Variants in NCKAP5 observed in about 807,000 individuals in gnomAD.
The protein encoded by NCKAP5 is nck-associated protein 5.
Under a neutral mutation model 167.0 loss-of-function variants are expected in NCKAP5, and 92 were observed. That is an observed-to-expected ratio of 0.55 (90% confidence interval 0.47 to 0.66). NCKAP5 has a LOEUF of 0.66. Ranked by LOEUF, NCKAP5 falls within the 30% of genes least tolerant of loss-of-function variation. NCKAP5 has a pLI of 0.00. For synonymous variants in NCKAP5, 891 were observed against 877.4 expected (o/e 1.02, Z -0.27); for missense variants, 2,378 against 2,315.0 (o/e 1.03, Z -0.56).
At position 133,208,521 on chromosome 2, in the gene NCKAP5, C is replaced by T. The variant is rs1342661678; in HGVS notation, c.207+5195G>A. Among the ~76,000 whole-genome samples, 130 of 152,254 alleles carry T rather than the reference C, an allele frequency of 8.5e-4. 1 individual carries two copies. The highest frequency in any genetic ancestry group is 1.9e-4 in the Non-Finnish European group (13 of 68,024). ...AAAACCTAACCAGTACTTCTTAAAA[C>T]TACCAAGTTGTCAAAAACAAGGAAA... On this transcript the variant is annotated intron_variant, in intron 5 of 19. Transcript: ENST00000409261.
chr2:133,423,201 G>A (rs1423628674), intron 3 of NCKAP5, among the ~76,000 whole-genome samples: 1 of 152,190 alleles, frequency 6.6e-6, no homozygotes, highest in Non-Finnish European at 1.5e-5. Context: ...TTAGGGTTTT[G>A]ACAAATACTA....
At chr2:133,414,938 T>A (rs765745773) in intron 3 of NCKAP5, among the ~76,000 whole-genome samples, 3 of 152,226 alleles carry the variant, frequency 2.0e-5, no homozygotes, top group Non-Finnish European at 2.9e-5. Context: ...GTCCCTTCAG[T>A]GGCCTGAGAT....
At chr2:133,579,875 C>T in the NCKAP5 span, among the ~76,000 whole-genome samples, 1 of 152,206 alleles carries the variant, frequency 6.6e-6, no homozygotes, top group Non-Finnish European at 1.5e-5. Context: ...ATGTACCTTT[C>T]TCTCCCCATT....
intron 3 of NCKAP5, among the ~76,000 whole-genome samples, chr2:133,380,246 G>T (rs182786445): frequency 6.6e-6 from 1 of 152,198 alleles, no homozygotes; most frequent in East Asian, 1.9e-4. Context: ...AAATCTAAAA[G>T]GTAGAGTTTG....
chr2:132,969,512 C>T (rs934766862), intron 7 of NCKAP5, among the ~76,000 whole-genome samples: 15 of 152,282 alleles, frequency 9.9e-5, no homozygotes, highest in African/African-American at 3.4e-4. Context: ...AATTATCTGA[C>T]CCCAGGGTGA....
chr2:132,691,593 C>T (rs958281723), intron 19 of NCKAP5, among the ~76,000 whole-genome samples: 6 of 152,124 alleles, frequency 3.9e-5, no homozygotes, highest in African/African-American at 1.4e-4. Context: ...AGAGAATCAC[C>T]ATCTTGGACA....
At chr2:132,940,708 A>AACTT (rs1457650767) in intron 8 of NCKAP5, among the ~76,000 whole-genome samples, 1 of 152,062 alleles carries the variant, frequency 6.6e-6, no homozygotes, top group African/African-American at 2.4e-5. Flanking sequence ...AAGTAGTAAA[A>AACTT]ACTTATTTAT....
intron 6 of NCKAP5, among the ~76,000 whole-genome samples, chr2:133,055,745 T>C (rs1003168566): frequency 6.6e-6 from 1 of 152,126 alleles, no homozygotes; most frequent in Non-Finnish European, 1.5e-5. Flanking sequence ...CTCATTATAA[T>C]AGCCAGATGC....
chr2:132,907,370 G>C (rs942883516), intron 8 of NCKAP5, among the ~76,000 whole-genome samples: 3 of 152,170 alleles, frequency 2.0e-5, no homozygotes, highest in African/African-American at 7.2e-5. Flanking sequence ...AAGATCACGC[G>C]GGTAGCAAAG....
chr2:133,416,184 G>A (rs1473150885), intron 3 of NCKAP5, among the ~76,000 whole-genome samples: 1 of 152,170 alleles, frequency 6.6e-6, no homozygotes, highest in African/African-American at 2.4e-5. Flanking sequence ...GCGCTCTGTG[G>A]AGCTCTGGGT....
At chr2:132,874,103 A>ATTT (rs4057987) in intron 9 of NCKAP5, among the ~76,000 whole-genome samples, 27 of 113,154 alleles carry the variant, frequency 2.4e-4, no homozygotes, top group East Asian at 5.5e-4. Flanking sequence ...CAAGACCTTG[A>ATTT]TTTTTTTTTT....
At chr2:132,930,002 T>C (rs938169208) in intron 8 of NCKAP5, 5 of 152,236 alleles carry the variant, frequency 3.3e-5, no homozygotes, top group Non-Finnish European at 5.9e-5. Context: ...ATCTGACTTG[T>C]CTGAGAGCAT....
the NCKAP5 span, among the ~76,000 whole-genome samples, chr2:133,645,959 G>C: frequency 1.3e-4 from 20 of 151,814 alleles, no homozygotes; most frequent in African/African-American, 4.8e-4. Context: ...AGAGAGGGAA[G>C]GAGGGAGGGA....
chr2:132,945,382 A>T (rs887785337), intron 8 of NCKAP5, among the ~76,000 whole-genome samples: 4 of 152,108 alleles, frequency 2.6e-5, no homozygotes, highest in Non-Finnish European at 5.9e-5. Flanking sequence ...GAACAAGGGG[A>T]TGTGGCCACA....
Position 133,188,149 on chromosome 2 carries a change from G to A in NCKAP5, c.207+25567C>T, listed in dbSNP as rs192601212. ...TCCATGTTTAGTGCTTCCTTCAGGA[G>A]CTCTTGTAAGGCAGACCTGGTGGTG... is the stretch of plus-strand genomic sequence containing the variant. On this transcript the variant is annotated intron_variant, in intron 5 of 19. Coordinates refer to ENST00000409261, the MANE Select transcript of NCKAP5 (RefSeq NM_207363.3). Among the ~76,000 whole-genome samples, 53 of 152,070 alleles carry A rather than the reference G, an allele frequency of 3.5e-4. No homozygotes were observed. The East Asian group carries it at 9.3e-3, about 27-fold the overall frequency.
chr2:133,226,879 T>A (rs2086918214), intron 4 of NCKAP5, among the ~76,000 whole-genome samples: 1 of 152,156 alleles, frequency 6.6e-6, no homozygotes, highest in Non-Finnish European at 1.5e-5. Flanking sequence ...GACAAACTAA[T>A]ACATCCAGAT....
intron 11 of NCKAP5, among the ~76,000 whole-genome samples, chr2:132,822,406 C>T (rs942408161): frequency 5.9e-5 from 9 of 152,196 alleles, no homozygotes; most frequent in Non-Finnish European, 1.2e-4. Flanking sequence ...TTCCACAGCA[C>T]CAGCCTGGAG....
At chr2:133,343,663 C>T (rs1407599915) in intron 3 of NCKAP5, among the ~76,000 whole-genome samples, 8 of 152,128 alleles carry the variant, frequency 5.3e-5, no homozygotes. Flanking sequence ...AAACTATGTC[C>T]AGATACTGCC....
chr2:132,862,898 T>C (rs1690041510), intron 10 of NCKAP5, among the ~76,000 whole-genome samples: 1 of 152,140 alleles, frequency 6.6e-6, no homozygotes, highest in South Asian at 2.1e-4. Context: ...CTTGGTGCAC[T>C]GCAACCTCCA....
Sources: gnomAD v4.1 joint callset for allele counts (sites outside exome capture counted in the v4.1 genomes callset) on GRCh38, gnomAD v4.1.1 for gene constraint, MANE v1.5 for transcripts, NCBI Gene and HGNC (gene_info 2026-07-23, HGNC 2026-07-21) for gene names.